SYNE1: variants seen among roughly 807,000 people sequenced by gnomAD.
SYNE1 encodes the protein nesprin-1.
A neutral mutation model predicts 1,111.0 loss-of-function variants in SYNE1; 616 were observed. The ratio of observed to expected loss-of-function variants is 0.55; its 90% CI spans 0.52 to 0.59. The LOEUF (loss-of-function observed/expected upper bound fraction) is 0.59, where lower values mean the gene tolerates loss of function less well. Among genes scored for constraint, SYNE1 ranks in the 20% least tolerant of loss-of-function variants. The pLI is 0.00. For missense variants in SYNE1, 10,006 were observed against 10,417.0 expected (o/e 0.96, Z 1.72); for synonymous variants, 3,855 against 3,825.8 (o/e 1.01, Z -0.28).
chr6:152,336,466 T>A (rs1308444158), intron 76 of SYNE1: 2 of 282,562 alleles, frequency 7.1e-6, no homozygotes, highest in Admixed American at 9.8e-5. Context: ...GGTTTCAGGA[T>A]GAAGCTGTTC....
intron 55 of SYNE1, among the ~76,000 whole-genome samples, chr6:152,385,275 G>A (rs1255842849): frequency 6.6e-6 from 1 of 152,168 alleles, no homozygotes; most frequent in African/African-American, 2.4e-5. Flanking sequence ...GTTGTTGGAT[G>A]TCGTCTAGAA....
intron 3 of SYNE1, among the ~76,000 whole-genome samples, chr6:152,594,449 G>A (rs1431275196): frequency 6.6e-6 from 1 of 152,124 alleles, no homozygotes; most frequent in African/African-American, 2.4e-5. Flanking sequence ...ATCCAAAGAT[G>A]GACAGGGAAG....
intron 3 of SYNE1, among the ~76,000 whole-genome samples, chr6:152,551,312 G>A (rs1345838607): frequency 1.3e-5 from 2 of 152,132 alleles, no homozygotes; most frequent in African/African-American, 2.4e-5. Flanking sequence ...GAGGAAATAC[G>A]CCAGAAATCT....
chr6:152,511,635 T>A (rs375071046), intron 6 of SYNE1: 5 of 1,589,400 alleles, frequency 3.1e-6, no homozygotes, highest in Non-Finnish European at 4.3e-6. Context: ...TATACATAAA[T>A]CATCTTTCAA....
intron 128 of SYNE1, among the ~76,000 whole-genome samples, chr6:152,188,802 CA>C (rs1022577213): frequency 6.6e-6 from 1 of 150,396 alleles, no homozygotes; most frequent in Admixed American, 6.6e-5. Flanking sequence ...ACTAAAAATA[CA>C]AAAAATTAGC....
chr6:152,200,397 T>C (rs965065813), intron 127 of SYNE1, among the ~76,000 whole-genome samples: 36 of 152,174 alleles, frequency 2.4e-4, no homozygotes, highest in Admixed American at 6.5e-5. Context: ...TTTTCTTTAA[T>C]AATTTTTAAT....
intron 101 of SYNE1, among the ~76,000 whole-genome samples, chr6:152,260,966 G>T (rs928584354): frequency 2.0e-5 from 3 of 152,136 alleles, no homozygotes; most frequent in Non-Finnish European, 2.9e-5. Context: ...CAGCCTGGGG[G>T]TTGGGAAGCC....
Position 152,441,182 on chromosome 6 carries a change from A to T in SYNE1, c.4097T>A (p.Phe1366Tyr). The T allele has an allele frequency of 6.2e-7, 1 of 1,613,728 alleles. No individual in the cohort carries two copies. The highest frequency in any genetic ancestry group is 8.5e-7 in the Non-Finnish European group (1 of 1,179,804). The part of the protein sequence containing the change: ...LFQTGSSHER[F>Y]LSFSSLESLS... The stretch of plus-strand genomic sequence containing the variant: ...ACTTTCCAAACTGCTAAAACTCAAG[A>T]AGCGTTCATGACTGGAACCTGTTTG... The change falls in exon 32 of 146, where the codon TTC becomes TAC. Residue 1366 changes from phenylalanine (F) to tyrosine (Y), a missense_variant. Phe to Tyr is a conservative substitution (Grantham distance 22, BLOSUM62 3). This residue lies in a region of SYNE1 where 1,971 missense variants were observed against 2,084.1 expected (regional missense o/e 0.95). Transcript: ENST00000367255.
In SYNE1 at chr6:152,448,841, A is replaced by AAAACAAACAAAC. The variant is rs80176844; in HGVS notation, c.3504+680_3504+691dup. Among the ~76,000 whole-genome samples, 1,138 of 151,710 alleles carry AAAACAAACAAAC rather than the reference A, an allele frequency of 7.5e-3. 16 individuals are homozygous for AAAACAAACAAAC. Among genetic ancestry groups the AAAACAAACAAAC allele is most frequent in the East Asian group, 0.055 (281 of 5,078 alleles). On this transcript the variant is annotated intron_variant, in intron 28 of 145. Coordinates refer to ENST00000367255, the MANE Select transcript of SYNE1 (RefSeq NM_182961.4). The stretch of plus-strand genomic sequence containing the variant: ...CTGGGTGACAGAGACCTTGTCTCAA[A>AAAACAAACAAAC]AAACAAACAAACAAACAAACAAACA...
chr6:152,374,705 C>A (rs2097250691), intron 58 of SYNE1, among the ~76,000 whole-genome samples: 1 of 151,902 alleles, frequency 6.6e-6, no homozygotes, highest in Admixed American at 6.6e-5. Context: ...ACGTGGGAGG[C>A]AGAGGTTGCA....
chr6:152,159,501 G>A (rs191313508), intron 131 of SYNE1, among the ~76,000 whole-genome samples: 193 of 152,248 alleles, frequency 1.3e-3, no homozygotes, highest in African/African-American at 4.5e-3. Context: ...AGTAAAAAAC[G>A]ACTAGCAGGT....
At chr6:152,133,836 C>A in intron 142 of SYNE1, 1 of 258,552 alleles carries the variant, frequency 3.9e-6, no homozygotes, top group Non-Finnish European at 7.5e-6. Context: ...AAAAGCACAA[C>A]ATTAAATATA....
At position 152,354,833 on chromosome 6, in the gene SYNE1, G is replaced by A; in HGVS notation, c.10752C>T (p.His3584=). The A allele has an allele frequency of 6.2e-7, 1 of 1,614,200 alleles. No homozygotes were observed. Among genetic ancestry groups the A allele is most frequent in the Non-Finnish European group, 8.5e-7 (1 of 1,180,050 alleles). ...SLRQDWQAYQ[H]RLSETRTQFN... ...ACTGAGTTCGAGTCTCGGACAGCCT[G>A]TGCTGGTAAGCCTGCCAGTCTTGCC... Residue 3584 remains histidine, a synonymous_variant, in exon 67 of 146, where the codon CAC becomes CAT. Coordinates refer to ENST00000367255, the MANE Select transcript of SYNE1 (RefSeq NM_182961.4).
intron 25 of SYNE1, 57 bp downstream of exon 25, chr6:152,453,529 G>C: frequency 6.2e-7 from 1 of 1,612,882 alleles, no homozygotes; most frequent in Non-Finnish European, 8.5e-7. Flanking sequence ...ACCTTAACAC[G>C]CTCAAGCTTC....
intron 61 of SYNE1, chr6:152,368,227 T>C (rs2097115016): frequency 6.6e-6 from 1 of 152,306 alleles, no homozygotes; most frequent in African/African-American, 2.4e-5. Context: ...CACCTGAAAG[T>C]TAAAAACATA....
chr6:152,466,151 G>A, intron 16 of SYNE1, 73 bp from the exon 17 acceptor site: 1 of 950,866 alleles, frequency 1.1e-6, no homozygotes, highest in Non-Finnish European at 1.7e-6. Context: ...ATTTTCTTCA[G>A]TATAGCTATA....
rs749846839 is a variant in SYNE1, at chr6:152,130,784, T to G, written c.26095-6A>C. On this transcript the variant is annotated splice_region_variant and splice_polypyrimidine_tract_variant and intron_variant, in intron 144 of 145. Coordinates refer to ENST00000367255, the MANE Select transcript of SYNE1 (RefSeq NM_182961.4). ...AGACTACACTTGCCTCGTGGCTGTT[T>G]GCAATGAACAGGGGGTAAAGAAAGA... is the stretch of plus-strand genomic sequence containing the variant. The G allele has an allele frequency of 1.9e-6, 3 of 1,614,142 alleles. No individual in the cohort carries two copies. Among genetic ancestry groups the G allele is most frequent in the Non-Finnish European group, 2.5e-6 (3 of 1,180,020 alleles).
intron 126 of SYNE1, among the ~76,000 whole-genome samples, chr6:152,205,188 T>G (rs2076278072): frequency 6.6e-6 from 1 of 152,106 alleles, no homozygotes; most frequent in African/African-American, 2.4e-5. Flanking sequence ...ACCTTAGTCA[T>G]TACCTTTGAT....
At chr6:152,607,874 TC>T (rs2099620359) in intron 3 of SYNE1, among the ~76,000 whole-genome samples, 2 of 152,226 alleles carry the variant, frequency 1.3e-5, no homozygotes, top group Non-Finnish European at 2.9e-5. Flanking sequence ...TGAGATCATG[TC>T]CTTTGCAGGG....
Sources: gnomAD v4.1 joint callset for allele counts (sites outside exome capture counted in the v4.1 genomes callset) on GRCh38, gnomAD v4.1.1 for gene constraint, gnomAD v4.1.1 regional missense constraint, MANE v1.5 for transcripts, NCBI Gene and HGNC (gene_info 2026-07-23, HGNC 2026-07-21) for gene names.